Variants in DENND1A observed in about 807,000 individuals in gnomAD.
DENND1A encodes DENN domain-containing protein 1A.
DENND1A carries 51 observed loss-of-function variants against 113.7 expected under a neutral mutation model. That is an observed-to-expected ratio of 0.45 (90% CI 0.36 to 0.57). The LOEUF (loss-of-function observed/expected upper bound fraction) is 0.57, where lower values mean the gene tolerates loss of function less well. Among genes scored for constraint, DENND1A ranks in the 20% least tolerant of loss-of-function variants. DENND1A has a pLI of 0.00. For synonymous variants in DENND1A, 565 were observed against 570.8 expected (o/e 0.99, Z 0.14); for missense variants, 1,258 against 1,395.9 (o/e 0.90, Z 1.57).
chr9:123,670,397 C>T (rs2063708286), intron 7 of DENND1A, among the ~76,000 whole-genome samples: 1 of 152,088 alleles, frequency 6.6e-6, no homozygotes, highest in Non-Finnish European at 1.5e-5. Flanking sequence ...GAGGGTTTGA[C>T]CTAGGGAATT....
At chr9:123,736,967 C>A (rs2068609527) in intron 5 of DENND1A, among the ~76,000 whole-genome samples, 2 of 152,188 alleles carry the variant, frequency 1.3e-5, no homozygotes, top group Admixed American at 1.3e-4. Flanking sequence ...ACTACCAATG[C>A]TGTGAGGTTA....
chr9:123,619,196 C>A (rs566941272), intron 10 of DENND1A, among the ~76,000 whole-genome samples: 1 of 152,240 alleles, frequency 6.6e-6, no homozygotes, highest in Non-Finnish European at 1.5e-5. Flanking sequence ...ATCCACCCAC[C>A]TGGGCCTCCC....
intron 5 of DENND1A, among the ~76,000 whole-genome samples, chr9:123,719,769 G>C (rs1187177060): frequency 6.6e-6 from 1 of 152,020 alleles, no homozygotes; most frequent in Non-Finnish European, 1.5e-5. Context: ...TACTTCTATA[G>C]AATATTTTTT....
chr9:123,930,000 G>C lies in DENND1A; in HGVS notation c.-95C>G. On this transcript the variant is annotated 5_prime_UTR_variant, in exon 1 of 24. Coordinates refer to ENST00000394215, the MANE Select transcript of DENND1A (RefSeq NM_001352964.2). ...CCGGCCTCCCTCTGGCGCTCTCCCC[G>C]CCCCTTCCTCCCTTCCCTCAGGCTG... 1 of 240,066 alleles carries C rather than the reference G, an allele frequency of 4.2e-6. No homozygotes were observed. The highest frequency in any genetic ancestry group is 7.8e-6 in the Non-Finnish European group (1 of 127,980). The allele number at this position is 240,066 out of a possible 1,614,324, so 14.9% of individuals were successfully genotyped here.
At chr9:123,398,361 T>C (rs1343327821) in intron 21 of DENND1A, among the ~76,000 whole-genome samples, 4 of 152,230 alleles carry the variant, frequency 2.6e-5, no homozygotes, top group East Asian at 3.9e-4. Flanking sequence ...GAGCCTGCCA[T>C]TGGCTTTTTT....
At chr9:123,763,545 C>T (rs565908951) in intron 4 of DENND1A, among the ~76,000 whole-genome samples, 6 of 152,122 alleles carry the variant, frequency 3.9e-5, no homozygotes, top group Non-Finnish European at 5.9e-5. Context: ...TCAGAGGAAA[C>T]GTTTGGATTG....
At chr9:123,637,328 A>C (rs2061757584) in intron 9 of DENND1A, among the ~76,000 whole-genome samples, 2 of 152,220 alleles carry the variant, frequency 1.3e-5, no homozygotes, top group South Asian at 4.1e-4. Context: ...CAGCTGTAGA[A>C]AATGCTGTGT....
chr9:123,383,554 ACT>A lies in DENND1A; in HGVS notation c.2019+99_2019+100del, dbSNP rs2042396190. The A allele has an allele frequency of 2.7e-6, 4 of 1,508,696 alleles. No individual in the cohort carries two copies. The African/African-American group carries it at 4.1e-5, about 16-fold the overall frequency. The allele number at this position is 1,508,696 out of a possible 1,614,324, so 93.5% of individuals were successfully genotyped here. A position where few individuals can be genotyped will look rare whatever the true frequency, so the allele number is the denominator to read the frequency against. On this transcript the variant is annotated intron_variant, in intron 23 of 23. Transcript: ENST00000394215. ...CATTGGCTGAGGGTCTTGGAAAGTC[ACT>A]GTTTCTCCCTTAGTCTCTTCCACTG...
chr9:123,522,678 A>G (rs1251891246), intron 13 of DENND1A, among the ~76,000 whole-genome samples: 1 of 152,170 alleles, frequency 6.6e-6, no homozygotes, highest in Non-Finnish European at 1.5e-5. Context: ...CTTGGTGTTA[A>G]TGATTACAAC....
intron 13 of DENND1A, among the ~76,000 whole-genome samples, chr9:123,497,512 G>A (rs539246742): frequency 3.3e-5 from 5 of 152,084 alleles, no homozygotes; most frequent in Admixed American, 2.6e-4. Context: ...TTATAGAGAT[G>A]GGGTCTCACT....
intron 2 of DENND1A, among the ~76,000 whole-genome samples, chr9:123,833,535 G>A (rs768672642): frequency 1.3e-5 from 2 of 151,896 alleles, no homozygotes; most frequent in African/African-American, 2.4e-5. Context: ...AGCTTTTTTA[G>A]GCATAATACA....
intron 19 of DENND1A, among the ~76,000 whole-genome samples, chr9:123,432,402 C>T (rs530655939): frequency 2.0e-4 from 30 of 152,350 alleles, no homozygotes; most frequent in African/African-American, 7.0e-4. Flanking sequence ...TTAGGGGCCA[C>T]GCTGCTCTTG....
chr9:123,506,868 A>T (rs1408428662), intron 13 of DENND1A, among the ~76,000 whole-genome samples: 2 of 152,116 alleles, frequency 1.3e-5, no homozygotes, highest in Admixed American at 1.3e-4. Context: ...GAACCCAGAG[A>T]TGGCTCAAAA....
chr9:123,829,438 G>A (rs1839865339), intron 2 of DENND1A, among the ~76,000 whole-genome samples: 1 of 151,896 alleles, frequency 6.6e-6, no homozygotes, highest in Admixed American at 6.6e-5. Flanking sequence ...AAACCAATTA[G>A]AGAAAACACA....
intron 11 of DENND1A, among the ~76,000 whole-genome samples, chr9:123,597,468 T>A (rs1057273348): frequency 2.6e-5 from 4 of 152,160 alleles, no homozygotes; most frequent in Non-Finnish European, 5.9e-5. Context: ...GCCCTCACAG[T>A]CCTTAACAAC....
intron 5 of DENND1A, among the ~76,000 whole-genome samples, chr9:123,725,729 AAAG>A (rs1268747159): frequency 2.6e-5 from 4 of 152,244 alleles, no homozygotes; most frequent in African/African-American, 9.6e-5. Context: ...GCTTCCAGAG[AAAG>A]AAGGAGAATC....
At chr9:123,810,966 C>T (rs1836492990) in intron 2 of DENND1A, among the ~76,000 whole-genome samples, 1 of 151,700 alleles carries the variant, frequency 6.6e-6, no homozygotes, top group Non-Finnish European at 1.5e-5. Flanking sequence ...ACCATGTTGG[C>T]CAGGCTGGTC....
At chr9:123,561,953 T>C (rs1013398254) in intron 12 of DENND1A, among the ~76,000 whole-genome samples, 8 of 152,162 alleles carry the variant, frequency 5.3e-5, no homozygotes, top group African/African-American at 1.7e-4. Context: ...CCCATGACAT[T>C]GGCCCTGCAA....
At chr9:123,438,912 A>C (rs140674952) in intron 19 of DENND1A, among the ~76,000 whole-genome samples, 1 of 152,354 alleles carries the variant, frequency 6.6e-6, no homozygotes, top group Non-Finnish European at 1.5e-5. Flanking sequence ...GGAATGTTTA[A>C]CACCATGAAA....
Sources: allele counts gnomAD v4.1 joint callset (sites outside exome capture counted in the v4.1 genomes callset), GRCh38; gene constraint gnomAD v4.1.1; transcripts MANE v1.5; gene names NCBI Gene and HGNC (gene_info 2026-07-23, HGNC 2026-07-21).